The following KANK1 variants were observed in gnomAD, a reference collection of about 807,000 sequenced individuals.
KANK1 encodes KN motif and ankyrin repeat domains 1.
In KANK1, 109 loss-of-function variants were observed where a neutral mutation model predicts 106.2. The ratio of observed to expected loss-of-function variants is 1.03; its 90% CI spans 0.88 to 1.20. KANK1 has a LOEUF of 1.20. Among genes scored for constraint, KANK1 ranks in the 50% most tolerant of loss-of-function variants. The pLI, the probability that KANK1 is intolerant of heterozygous loss-of-function variation, is 0.00. For synonymous variants in KANK1, 873 were observed against 652.2 expected (o/e 1.34, Z -5.16); for missense variants, 2,399 against 1,710.7 (o/e 1.40, Z -7.10).
rs547424509 is a variant in KANK1 at position 522,273 on chromosome 9, T to C, written c.-84+17519T>C. On this transcript the variant is annotated intron_variant, in intron 1 of 11. Transcript: ENST00000382297. ...AGGTAAATATAGTTACATCTAGTTT[T>C]GAAAGATGCCGCAAGTGTTTTTGGA... Among the ~76,000 whole-genome samples, 111 of 151,886 alleles carry C rather than the reference T, an allele frequency of 7.3e-4. 4 individuals carry two copies. The highest frequency in any genetic ancestry group is 2.6e-3 in the African/African-American group (108 of 41,158).
chr9:701,209 G>A (rs1822573889), intron 2 of KANK1, among the ~76,000 whole-genome samples: 1 of 152,130 alleles, frequency 6.6e-6, no homozygotes, highest in African/African-American at 2.4e-5. Context: ...TGCCTCACAG[G>A]TTCAAGCAAT....
In KANK1 at chr9:745,156, C is replaced by G. The variant is rs116634011; in HGVS notation, c.3997-17C>G. The G allele has an allele frequency of 1.2e-3, 1,954 of 1,610,574 alleles. 18 individuals carry two copies. In the African/African-American group the frequency reaches 0.019, roughly 16 times the overall value. ...TCACTTATTAACCCCCAGTTTTTTT[C>G]CTTTCCTGGTCTCTAGGGCACCCCT... On this transcript the variant is annotated splice_polypyrimidine_tract_variant and intron_variant, in intron 11 of 11. Coordinates refer to ENST00000382297, the MANE Select transcript of KANK1 (RefSeq NM_015158.5).
chr9:672,751 T>A lies in KANK1; in HGVS notation c.-83-4139T>A, dbSNP rs537643270. Among the ~76,000 whole-genome samples, 4 of 152,354 alleles carry A rather than the reference T, an allele frequency of 2.6e-5. No individual in the cohort carries two copies. In the South Asian group the frequency reaches 8.3e-4, roughly 32 times the overall value. On this transcript the variant is annotated intron_variant, in intron 1 of 11. Coordinates refer to ENST00000382297, the MANE Select transcript of KANK1 (RefSeq NM_015158.5). The stretch of plus-strand genomic sequence containing the variant: ...GTATTTATGGGGTCAGCTCATGCAA[T>A]GTTTCCGTCATTCATTGTACCTTAC...
intron 1 of KANK1, among the ~76,000 whole-genome samples, chr9:587,834 G>A (rs1276717969): frequency 6.6e-6 from 1 of 152,148 alleles, no homozygotes. Flanking sequence ...AGGAGGCCAA[G>A]GCAGGCAGAT....
intron 1 of KANK1, among the ~76,000 whole-genome samples, chr9:607,355 C>G (rs577732000): frequency 6.6e-6 from 1 of 151,492 alleles, no homozygotes; most frequent in Non-Finnish European, 1.5e-5. Context: ...TGTGGCGACG[C>G]ACACCTGTAG....
intron 2 of KANK1, 27 bp from the exon 3 acceptor site, chr9:710,774 CATT>C (rs760674246): frequency 6.5e-7 from 1 of 1,538,174 alleles, no homozygotes; most frequent in Non-Finnish European, 8.7e-7. Context: ...TATTGCATGT[CATT>C]ATAATATTCT....
intron 1 of KANK1, among the ~76,000 whole-genome samples, chr9:563,248 C>T (rs1816957166): frequency 6.6e-6 from 1 of 151,968 alleles, no homozygotes; most frequent in Non-Finnish European, 1.5e-5. Flanking sequence ...GTGTAGCCCT[C>T]CCCAGAGTCT....
At chr9:609,564 A>G (rs555735599) in intron 1 of KANK1, among the ~76,000 whole-genome samples, 3 of 152,250 alleles carry the variant, frequency 2.0e-5, no homozygotes, top group Non-Finnish European at 2.9e-5. Flanking sequence ...CAGGAGGTGG[A>G]GGTTGCAATG....
intron 1 of KANK1, among the ~76,000 whole-genome samples, chr9:608,294 C>T (rs1373689904): frequency 6.6e-6 from 1 of 151,536 alleles, no homozygotes; most frequent in Non-Finnish European, 1.5e-5. Flanking sequence ...GCCTCGGCCT[C>T]CCAAAGTGCT....
At chr9:545,957 A>T (rs1300157108) in intron 1 of KANK1, among the ~76,000 whole-genome samples, 1 of 152,030 alleles carries the variant, frequency 6.6e-6, no homozygotes, top group Non-Finnish European at 1.5e-5. Context: ...TATGTTGGCC[A>T]GGCTGGTCTC....
upstream of KANK1, among the ~76,000 whole-genome samples, chr9:502,866 ACT>A (rs973622649): frequency 3.9e-3 from 590 of 151,932 alleles, 4 homozygotes; most frequent in African/African-American, 0.014. Flanking sequence ...ACAGGGTCAC[ACT>A]CTGTAGCCTG....
Position 738,372 on chromosome 9 carries a change from G to A in KANK1, c.3421G>A (p.Ala1141Thr). ...TCCAGCCATGGTGGGGGACTACATA[G>A]CTGCTTTTGAGGCCATTTCCCCAGA... ...AIPAMVGDYI[A>T]AFEAISPDVL... The change falls in exon 8 of 12, where the codon GCT becomes ACT. Residue 1141 changes from alanine (A) to threonine (T), a missense_variant. Coordinates refer to ENST00000382297, the MANE Select transcript of KANK1 (RefSeq NM_015158.5). The A allele has an allele frequency of 6.2e-7, 1 of 1,614,158 alleles. No individual in the cohort carries two copies. Among genetic ancestry groups the A allele is most frequent in the Non-Finnish European group, 8.5e-7 (1 of 1,180,032 alleles).
chr9:595,736 G>C lies in KANK1; in HGVS notation c.-83-81154G>C, dbSNP rs575587644. On this transcript the variant is annotated intron_variant, in intron 1 of 11. Transcript: ENST00000382297. ...GAAGTCTTGCTTTGTTGCCCAGGTT[G>C]GTCTCAAACTCCTGGACTCAGGTGA... Among the ~76,000 whole-genome samples the C allele has an allele frequency of 7.3e-4, 111 of 151,720 alleles. 3 individuals are homozygous for C. The South Asian group carries it at 0.022, about 30-fold the overall frequency.
intron 2 of KANK1, among the ~76,000 whole-genome samples, chr9:702,730 C>A (rs182839772): frequency 9.2e-4 from 140 of 152,186 alleles, no homozygotes; most frequent in Non-Finnish European, 1.8e-3. Context: ...CCTTTTAGCC[C>A]CTAGTTTCAG....
chr9:504,431 C>A (rs1468988930), upstream of KANK1, among the ~76,000 whole-genome samples: 4 of 151,714 alleles, frequency 2.6e-5, no homozygotes, highest in Non-Finnish European at 4.4e-5. Context: ...GAGGGCCGCC[C>A]GCGGCCGGCT....
In KANK1 at chr9:497,801, C is replaced by T. The variant is rs141682581; in HGVS notation, c.-362+24528C>T. Among the ~76,000 whole-genome samples the T allele has an allele frequency of 3.5e-3, 526 of 151,920 alleles. 4 individuals are homozygous for T. The highest frequency in any genetic ancestry group is 0.01 in the Admixed American group (154 of 15,244). ...CCGGGAGGTCAAGGGTGCAGTGAGC[C>T]GTGATTGTGCCACTGCACTCCAGCC... On this transcript the variant is annotated intron_variant, in intron 3 of 15. Transcript: ENST00000382303.
rs1023272280 is a variant in KANK1, at chr9:712,179, C to T, written c.1413C>T (p.Arg471=). 1 of 1,614,106 alleles carries T rather than the reference C, an allele frequency of 6.2e-7. No homozygotes were observed. Among genetic ancestry groups the T allele is most frequent in the Non-Finnish European group, 8.5e-7 (1 of 1,180,028 alleles). The change falls in exon 3 of 12, where the codon CGC becomes CGT. Residue 471 remains arginine (R), a synonymous_variant. Transcript: ENST00000382297. The part of the protein sequence containing the change: ...TIESLKEKIY[R]LEVQLRETTH... ...AATCCTTGAAGGAAAAGATCTATCGCCTAGAAGTACAGCTTAGAGAAACCA... is the reference window on the plus strand; with the variant it reads ...AATCCTTGAAGGAAAAGATCTATCGTCTAGAAGTACAGCTTAGAGAAACCA...
At chr9:600,173 C>T (rs752791612) in intron 1 of KANK1, among the ~76,000 whole-genome samples, 1 of 151,598 alleles carries the variant, frequency 6.6e-6, no homozygotes, top group African/African-American at 2.4e-5. Context: ...AAAACAAAAG[C>T]GCTATATCTG....
At chr9:555,728 A>G (rs1257617344) in intron 1 of KANK1, among the ~76,000 whole-genome samples, 1 of 152,232 alleles carries the variant, frequency 6.6e-6, no homozygotes, top group Admixed American at 6.5e-5. Context: ...GTACTGGAAT[A>G]TGAAATATTC....
Sources: gnomAD v4.1 joint callset for allele counts (sites outside exome capture counted in the v4.1 genomes callset) on GRCh38, gnomAD v4.1.1 for gene constraint, MANE v1.5 for transcripts, NCBI Gene and HGNC (gene_info 2026-07-23, HGNC 2026-07-21) for gene names.